Variants in PDE10A observed in about 807,000 individuals in gnomAD.
PDE10A encodes the protein phosphodiesterase 10A.
Under a neutral mutation model 97.7 loss-of-function variants are expected in PDE10A, and 39 were observed. The observed-to-expected ratio is 0.40, with a 90% CI of 0.31 to 0.52. The LOEUF is 0.52. Among genes scored for constraint, PDE10A ranks in the 20% least tolerant of loss-of-function variants. The pLI is 0.56. For missense variants in PDE10A, 731 were observed against 1,047.8 expected, an observed-to-expected ratio of 0.70 and a Z score of 4.17; for synonymous variants, 371 against 376.8, an observed-to-expected ratio of 0.98 and a Z score of 0.18.
chr6:165,591,211 C>T (rs547475947), intron 1 of PDE10A, among the ~76,000 whole-genome samples: 6 of 152,112 alleles, frequency 3.9e-5, no homozygotes, highest in East Asian at 3.9e-4. Flanking sequence ...GTGTTGCAGC[C>T]GTATCTATAA....
intron 1 of PDE10A, among the ~76,000 whole-genome samples, chr6:165,801,602 A>T (rs1460045829): frequency 2.0e-5 from 3 of 152,248 alleles, no homozygotes; most frequent in Non-Finnish European, 4.4e-5. Flanking sequence ...GACTTGCTGA[A>T]TTATTAGGAC....
Position 165,583,303 on chromosome 6 carries a change from G to A in PDE10A, c.866-39735C>T, listed in dbSNP as rs910623238. Among the ~76,000 whole-genome samples, 6 of 152,104 alleles carry A rather than the reference G, an allele frequency of 3.9e-5. No homozygotes were observed. The East Asian group carries it at 7.7e-4, about 20-fold the overall frequency. On this transcript the variant is annotated intron_variant, in intron 1 of 21. Coordinates refer to ENST00000539869, the MANE Select transcript of PDE10A (RefSeq NM_001385079.1). ...AGTGTGCCTAAAGATCCTCTTTAAC[G>A]TATATTCTCTACCTCTTCAGTCTTA...
intron 1 of PDE10A, among the ~76,000 whole-genome samples, chr6:165,656,449 C>G (rs1043982398): frequency 6.6e-6 from 1 of 151,714 alleles, no homozygotes; most frequent in Non-Finnish European, 1.5e-5. Context: ...TACCTCTTCT[C>G]GTGTGCCGAG....
intron 1 of PDE10A, among the ~76,000 whole-genome samples, chr6:165,966,452 A>T (rs1480675481): frequency 6.6e-6 from 1 of 152,136 alleles, no homozygotes; most frequent in Non-Finnish European, 1.5e-5. Context: ...CCATTACTCA[A>T]CTGTGGGCCC....
chr6:165,924,804 A>G (rs1052862777), intron 1 of PDE10A, among the ~76,000 whole-genome samples: 4 of 152,266 alleles, frequency 2.6e-5, no homozygotes, highest in African/African-American at 9.6e-5. Context: ...CATAAAAGTT[A>G]TTAGAAAACA....
At chr6:165,917,722 G>C (rs185864015) in intron 1 of PDE10A, among the ~76,000 whole-genome samples, 4 of 152,282 alleles carry the variant, frequency 2.6e-5, no homozygotes, top group African/African-American at 7.2e-5. Context: ...GTCCGGACCC[G>C]GGGAGCACCC....
rs1012511365 is a variant in PDE10A at position 165,842,886 on chromosome 6, G to A, written c.-615+144643C>T. Among the ~76,000 whole-genome samples, 8 of 152,204 alleles carry A rather than the reference G, an allele frequency of 5.3e-5. 1 individual carries two copies. Among genetic ancestry groups the A allele is most frequent in the Admixed American group, 1.3e-4 (2 of 15,282 alleles). On this transcript the variant is annotated intron_variant, in intron 1 of 19. Coordinates refer to the PDE10A transcript ENST00000366882. ...CCTGCCCTGACCCTGAGTTAGCCTCGGACTAACCTCGCACAGTTTATTCCA... is the reference window on the plus strand; with the variant it reads ...CCTGCCCTGACCCTGAGTTAGCCTCAGACTAACCTCGCACAGTTTATTCCA...
At chr6:165,453,416 C>T (rs117107723) in intron 3 of PDE10A, among the ~76,000 whole-genome samples, 223 of 152,340 alleles carry the variant, frequency 1.5e-3, no homozygotes, top group South Asian at 0.012. Flanking sequence ...TTCATCAAGA[C>T]AATGGGAGAA....
intron 1 of PDE10A, among the ~76,000 whole-genome samples, chr6:165,915,927 G>C (rs1187503619): frequency 6.6e-6 from 1 of 152,204 alleles, no homozygotes; most frequent in Non-Finnish European, 1.5e-5. Flanking sequence ...GACAACCAAA[G>C]TCTGAGTCTA....
intron 1 of PDE10A, among the ~76,000 whole-genome samples, chr6:165,919,937 T>C (rs1389432564): frequency 6.6e-6 from 1 of 152,232 alleles, no homozygotes; most frequent in Non-Finnish European, 1.5e-5. Context: ...CCCTTCATAT[T>C]CCTTAGAGTC....
At chr6:165,963,404 G>C (rs953300400) in intron 1 of PDE10A, among the ~76,000 whole-genome samples, 2 of 152,196 alleles carry the variant, frequency 1.3e-5, no homozygotes, top group African/African-American at 4.8e-5. Flanking sequence ...CTTTACAGGA[G>C]ATGAGCTGAT....
intron 1 of PDE10A, among the ~76,000 whole-genome samples, chr6:165,564,263 G>A (rs1231011947): frequency 6.6e-6 from 1 of 152,148 alleles, no homozygotes; most frequent in Non-Finnish European, 1.5e-5. Flanking sequence ...ATGAGAGCTG[G>A]TGCTTGCTCC....
chr6:165,613,357 T>C (rs1423407003), intron 1 of PDE10A, among the ~76,000 whole-genome samples: 1 of 152,048 alleles, frequency 6.6e-6, no homozygotes, highest in East Asian at 1.9e-4. Flanking sequence ...ACACTATTAT[T>C]TGGCCAGGTG....
intron 1 of PDE10A, among the ~76,000 whole-genome samples, chr6:165,974,080 C>T (rs1784777727): frequency 1.3e-5 from 2 of 152,202 alleles, no homozygotes; most frequent in Non-Finnish European, 2.9e-5. Context: ...ATTGCCTTCT[C>T]ATACTGTATA....
intron 1 of PDE10A, among the ~76,000 whole-genome samples, chr6:165,984,060 C>A (rs1372259799): frequency 6.6e-6 from 1 of 152,230 alleles, no homozygotes; most frequent in Admixed American, 6.5e-5. Context: ...GGAGTGTTCA[C>A]CCTTCAATGG....
chr6:165,369,508 G>A (rs1290020650), intron 18 of PDE10A, among the ~76,000 whole-genome samples: 1 of 114,592 alleles, frequency 8.7e-6, no homozygotes, highest in Non-Finnish European at 1.7e-5. Context: ...ATGAAATGAA[G>A]CGAGAAGGAA....
intron 1 of PDE10A, among the ~76,000 whole-genome samples, chr6:165,610,699 C>A (rs1787453405): frequency 6.6e-6 from 1 of 152,178 alleles, no homozygotes; most frequent in Non-Finnish European, 1.5e-5. Context: ...TGATGGCCAA[C>A]CTCATGGACA....
chr6:165,535,612 T>C (rs1194328673), intron 2 of PDE10A, among the ~76,000 whole-genome samples: 1 of 151,584 alleles, frequency 6.6e-6, no homozygotes, highest in East Asian at 1.9e-4. Flanking sequence ...CGTGTGTGTG[T>C]GTGTGTGTAC....
At chr6:165,800,059 GTTTGACAGTGAGACCCGTGGCACCTTC>G (rs1160791224) in intron 1 of PDE10A, among the ~76,000 whole-genome samples, 1 of 152,210 alleles carries the variant, frequency 6.6e-6, no homozygotes, top group Admixed American at 6.5e-5. Flanking sequence ...GTCTCTCCTT[GTTTGACAGTGAGACCCGTGGCACCTTC>G]TTTCTGAGCT....
Sources: allele counts gnomAD v4.1 joint callset (sites outside exome capture counted in the v4.1 genomes callset), GRCh38; gene constraint gnomAD v4.1.1; transcripts MANE v1.5; gene names NCBI Gene and HGNC (gene_info 2026-07-23, HGNC 2026-07-21).